Variants in PCDH11Y observed in about 807,000 individuals in gnomAD.
PCDH11Y encodes protocadherin-11 Y-linked.
For missense variants in PCDH11Y, 12 were observed against 224.8 expected (o/e 0.05, Z 6.05); for synonymous variants, 9 against 83.6 (o/e 0.11, Z 4.87).
intron 3 of PCDH11Y, chrY:5,573,928 G>A (rs2053443015): frequency 1.5e-4 from 31 of 206,498 alleles, no homozygotes; most frequent in Middle Eastern, 1.2e-3. Flanking sequence ...GGGAAGAACC[G>A]AGAGGAGCTA....
chrY:5,626,108 C>T, intron 4 of PCDH11Y, among the ~76,000 whole-genome samples: 3 of 30,927 alleles, frequency 9.7e-5, no homozygotes, highest in African/African-American at 2.5e-4. Context: ...TTTCATGTTG[C>T]AATTTATTCC....
At chrY:5,580,149 T>C (rs2053449600) in intron 3 of PCDH11Y, among the ~76,000 whole-genome samples, 1 of 31,847 alleles carries the variant, frequency 3.1e-5, no homozygotes, top group Non-Finnish European at 7.8e-5. Context: ...GAACTAAAAG[T>C]CTTGAATAAG....
At chrY:5,308,190 T>C (rs2053092551) in intron 2 of PCDH11Y, among the ~76,000 whole-genome samples, 4 of 33,223 alleles carry the variant, frequency 1.2e-4, no homozygotes, top group Non-Finnish European at 3.0e-4. Context: ...CACAGCACTG[T>C]TTCTTAAAGC....
chrY:5,402,256 G>T, intron 2 of PCDH11Y, among the ~76,000 whole-genome samples: 1 of 32,707 alleles, frequency 3.1e-5, no homozygotes, highest in Non-Finnish European at 7.5e-5. Context: ...TTCCCCTTCT[G>T]CCATGACCGT....
chrY:5,386,078 G>C lies in PCDH11Y; in HGVS notation c.3130-114979G>C, dbSNP rs376438086. On this transcript the variant is annotated intron_variant, in intron 2 of 4. Transcript: ENST00000400457. ...TGGCAAATTCTCTCAGCATTTGTTT[G>C]TCTGAAAAAGACTGTATCTTTTCTT... Among the ~76,000 whole-genome samples, 445 of 33,206 alleles carry C rather than the reference G, an allele frequency of 0.013. No individual in the cohort carries two copies. In the Middle Eastern group the frequency reaches 0.23, roughly 17 times the overall value. 89.1% of individuals were successfully genotyped at this position (33,206 alleles called of 37,273 possible).
chrY:5,738,176 G>A, exon 5 of PCDH11Y: 1 of 136,560 alleles, frequency 7.3e-6, no homozygotes, highest in African/African-American at 9.1e-5. Flanking sequence ...GCATCCCCTT[G>A]TACAGTAAGG....
At chrY:5,141,996 A>C (rs2052851514) in intron 2 of PCDH11Y, among the ~76,000 whole-genome samples, 16 of 15,922 alleles carry the variant, frequency 1.0e-3, no homozygotes, top group Non-Finnish European at 8.1e-4. Context: ...CATGGGAGAA[A>C]ATTTTCGCAA....
chrY:5,694,400 A>G, intron 4 of PCDH11Y, among the ~76,000 whole-genome samples: 4 of 32,497 alleles, frequency 1.2e-4, no homozygotes, highest in Non-Finnish European at 3.0e-4. Flanking sequence ...TAGTTTGAAT[A>G]TATCATGGAT....
intron 3 of PCDH11Y, among the ~76,000 whole-genome samples, chrY:5,565,690 G>A (rs2053433597): frequency 3.4e-5 from 1 of 29,131 alleles, no homozygotes; most frequent in African/African-American, 1.3e-4. Context: ...CGAACCATAC[G>A]ATTTTGATTC....
At chrY:5,083,162 G>A (rs207480120) in intron 1 of PCDH11Y, among the ~76,000 whole-genome samples, 49 of 33,690 alleles carry the variant, frequency 1.5e-3, no homozygotes, top group African/African-American at 5.6e-3. Context: ...TTGTGCAGAT[G>A]GGTTGAAAAA....
intron 2 of PCDH11Y, among the ~76,000 whole-genome samples, chrY:5,264,573 A>AT (rs2053023596): frequency 3.0e-5 from 1 of 33,675 alleles, no homozygotes. Context: ...GGGCCTAGAA[A>AT]TAGGGACCTC....
chrY:5,578,894 T>C, intron 3 of PCDH11Y, among the ~76,000 whole-genome samples: 1 of 33,917 alleles, frequency 2.9e-5, no homozygotes, highest in African/African-American at 1.1e-4. Flanking sequence ...ATAACACTTT[T>C]ATTTCAAAAT....
chrY:5,406,423 T>C (rs2053238866), intron 2 of PCDH11Y, among the ~76,000 whole-genome samples: 1 of 33,338 alleles, frequency 3.0e-5, no homozygotes, highest in Non-Finnish European at 7.4e-5. Context: ...TTCTGGATTA[T>C]GGATGCAAAG....
intron 2 of PCDH11Y, among the ~76,000 whole-genome samples, chrY:5,450,160 T>G: frequency 3.0e-5 from 1 of 33,112 alleles, no homozygotes; most frequent in Non-Finnish European, 7.5e-5. Flanking sequence ...AGAGAACAGC[T>G]ATAGCAATTA....
At chrY:5,407,709 T>A (rs71201662) in intron 2 of PCDH11Y, among the ~76,000 whole-genome samples, 2 of 31,001 alleles carry the variant, frequency 6.5e-5, no homozygotes, top group African/African-American at 1.3e-4. Flanking sequence ...GTCAGGAAAT[T>A]GAGACCATTC....
intron 2 of PCDH11Y, among the ~76,000 whole-genome samples, chrY:5,382,968 G>A (rs2124674534): frequency 3.0e-5 from 1 of 32,955 alleles, no homozygotes; most frequent in South Asian, 6.8e-4. Context: ...TTGGGGGGCT[G>A]AGGTGGGTGG....
At chrY:5,077,295 T>G (rs2052711361) in intron 1 of PCDH11Y, among the ~76,000 whole-genome samples, 1 of 33,574 alleles carries the variant, frequency 3.0e-5, no homozygotes, top group Non-Finnish European at 7.4e-5. Flanking sequence ...AAATTGTTTA[T>G]CAGTTCTAAT....
chrY:5,140,524 C>T, intron 2 of PCDH11Y, among the ~76,000 whole-genome samples: 1 of 30,682 alleles, frequency 3.3e-5, no homozygotes, highest in African/African-American at 1.3e-4. Context: ...TTTTCCAACA[C>T]AGTGTATATG....
At chrY:5,211,674 C>T in intron 2 of PCDH11Y, among the ~76,000 whole-genome samples, 1 of 33,287 alleles carries the variant, frequency 3.0e-5, no homozygotes, top group South Asian at 6.8e-4. Context: ...TGGAGTCTTC[C>T]TCTGTCACCC....
Sources: allele counts gnomAD v4.1 joint callset (sites outside exome capture counted in the v4.1 genomes callset), GRCh38; gene constraint gnomAD v4.1.1; transcripts MANE v1.5; gene names NCBI Gene and HGNC (gene_info 2026-07-23, HGNC 2026-07-21).